OVCH1: variants seen among roughly 807,000 people sequenced by gnomAD.
OVCH1 encodes ovochymase-1.
OVCH1 carries 139 observed loss-of-function variants against 138.4 expected under a neutral mutation model. The observed-to-expected ratio is 1.00, with a 90% CI of 0.87 to 1.16. OVCH1 has a LOEUF of 1.16. Ranked by LOEUF, OVCH1 falls within the 50% of genes most tolerant of loss-of-function variation. The pLI is 0.00. For missense variants in OVCH1, 1,367 were observed against 1,357.9 expected (o/e 1.01, Z -0.11); for synonymous variants, 453 against 467.8 (o/e 0.97, Z 0.41).
intron 19 of OVCH1, among the ~76,000 whole-genome samples, chr12:29,457,691 C>T (rs1942000388): frequency 6.6e-6 from 1 of 152,072 alleles, no homozygotes; most frequent in South Asian, 2.1e-4. Context: ...GTGTGAGCCA[C>T]TGCACCTGGC....
Position 29,495,278 on chromosome 12 carries a change from T to C in OVCH1, c.454+7A>G, listed in dbSNP as rs1215800761. The C allele has an allele frequency of 1.9e-6, 3 of 1,606,736 alleles. No individual in the cohort carries two copies. Among genetic ancestry groups the C allele is most frequent in the South Asian group, 2.2e-5 (2 of 89,646 alleles). ...GCATTTTTAATATTCTAACTCTCCA[T>C]ACTCACCAAACTTGACTTTGTGTTT... On this transcript the variant is annotated splice_region_variant and intron_variant, in intron 4 of 27. Coordinates refer to ENST00000318184, the Ensembl canonical transcript of OVCH1.
At chr12:29,473,888 G>A (rs1261493698) in intron 14 of OVCH1, among the ~76,000 whole-genome samples, 1 of 152,060 alleles carries the variant, frequency 6.6e-6, no homozygotes, top group Non-Finnish European at 1.5e-5. Flanking sequence ...CATGTAAACA[G>A]AGATGGGCCT....
chr12:29,405,476 G>T, the OVCH1 span, among the ~76,000 whole-genome samples: 1 of 152,084 alleles, frequency 6.6e-6, no homozygotes, highest in African/African-American at 2.4e-5. Context: ...AGCACAAAAA[G>T]AATAAAAATA....
downstream of OVCH1, among the ~76,000 whole-genome samples, chr12:29,411,462 G>A (rs1288783455): frequency 6.6e-6 from 1 of 151,850 alleles, no homozygotes; most frequent in Non-Finnish European, 1.5e-5. Flanking sequence ...TGATGATGGG[G>A]ATGTACAGAT....
At chr12:29,452,016 C>A (rs1052522835) in intron 21 of OVCH1, among the ~76,000 whole-genome samples, 1 of 152,136 alleles carries the variant, frequency 6.6e-6, no homozygotes, top group African/African-American at 2.4e-5. Flanking sequence ...AGATGTCTCA[C>A]TTCTTCAGCT....
chr12:29,437,079 T>C (rs1264953523), intron 26 of OVCH1, among the ~76,000 whole-genome samples: 3 of 152,156 alleles, frequency 2.0e-5, no homozygotes, highest in Non-Finnish European at 4.4e-5. Flanking sequence ...TACAGAGCGC[T>C]GATTGGTGCA....
chr12:29,447,676 T>C (rs1941656387), intron 22 of OVCH1, among the ~76,000 whole-genome samples: 1 of 151,722 alleles, frequency 6.6e-6, no homozygotes, highest in African/African-American at 2.4e-5. Context: ...AGACAATGAC[T>C]GTGGGAAGGA....
chr12:29,465,593 C>T lies in OVCH1; in HGVS notation c.1857-374G>A, dbSNP rs78812438. Among the ~76,000 whole-genome samples the T allele has an allele frequency of 9.8e-4, 149 of 152,178 alleles. No homozygotes were observed. The East Asian group carries it at 0.023, about 24-fold the overall frequency. On this transcript the variant is annotated intron_variant, in intron 16 of 27. Coordinates refer to ENST00000318184, the Ensembl canonical transcript of OVCH1. Reference sequence around the variant, plus strand: ...TACTAACATGCACTGCTCAGTTCAGCGAGGCAACAGTCCCCTGTCCCATTG... The same window carrying T: ...TACTAACATGCACTGCTCAGTTCAGTGAGGCAACAGTCCCCTGTCCCATTG...
In OVCH1 at chr12:29,492,869, G is replaced by A. The variant is rs111715976; in HGVS notation, c.455-1677C>T. 9.2e-5 allele frequency among the ~76,000 whole-genome samples: 14 copies of A among 152,238 alleles called. 1 individual carries two copies. Among genetic ancestry groups the A allele is most frequent in the African/African-American group, 3.4e-4 (14 of 41,546 alleles). ...GAAGACTAAGAAAGGGTACAATAGG[G>A]TAGGAGAATAACTAATGGATTCCCG... On this transcript the variant is annotated intron_variant, in intron 4 of 27. Transcript: ENST00000318184.
chr12:29,496,458 G>T, intron 2 of OVCH1, 98 bp downstream of exon 2: 4 of 1,218,946 alleles, frequency 3.3e-6, no homozygotes, highest in East Asian at 2.4e-5. Flanking sequence ...GAGGGGTTCA[G>T]GAGAAAAACT....
chr12:29,471,859 C>T, exon 16 of OVCH1: 1 of 1,613,152 alleles, frequency 6.2e-7, no homozygotes, highest in Non-Finnish European at 8.5e-7. Flanking sequence ...GGCACCTCCA[C>T]ATTGGTAATC....
At chr12:29,420,900 G>C (rs11838057) in intron 3 of OVCH1, among the ~76,000 whole-genome samples, 32,861 of 152,164 alleles carry the variant, frequency 0.22, 4,688 homozygotes, top group African/African-American at 0.41. Context: ...TATGTTCATT[G>C]ATTTGCAAGG....
At chr12:29,470,153 A>T (rs1315950988) in intron 16 of OVCH1, among the ~76,000 whole-genome samples, 1 of 152,224 alleles carries the variant, frequency 6.6e-6, no homozygotes, top group Non-Finnish European at 1.5e-5. Flanking sequence ...CATATATGTT[A>T]AAATCCCCCA....
chr12:29,476,332 T>A (rs948468601), intron 12 of OVCH1, 33 bp from the exon 13 acceptor site: 13 of 1,536,148 alleles, frequency 8.5e-6, no homozygotes, highest in African/African-American at 1.4e-5. Flanking sequence ...AGGGAAATGG[T>A]CAAAGAAGAG....
the OVCH1 span, among the ~76,000 whole-genome samples, chr12:29,405,751 G>A: frequency 2.0e-5 from 3 of 152,190 alleles, no homozygotes; most frequent in Admixed American, 2.0e-4. Context: ...ATCAGTTTTT[G>A]ATGATGCAAT....
intron 23 of OVCH1, 143 bp downstream of exon 23, chr12:29,445,135 G>A: frequency 2.2e-6 from 2 of 927,978 alleles, no homozygotes; most frequent in Non-Finnish European, 3.0e-6. Context: ...GGTGACTTAA[G>A]TAGATTTTCC....
intron 12 of OVCH1, 149 bp from the exon 13 acceptor site, chr12:29,476,448 C>T (rs1942718533): frequency 1.5e-6 from 1 of 677,460 alleles, no homozygotes; most frequent in African/African-American, 1.8e-5. Flanking sequence ...CTTTGAAGGG[C>T]AATTTGGCAA....
chr12:29,475,980 C>A (rs1027186148), intron 13 of OVCH1, among the ~76,000 whole-genome samples: 4 of 152,308 alleles, frequency 2.6e-5, no homozygotes, highest in Non-Finnish European at 4.4e-5. Context: ...ACCTTACATG[C>A]AGTCTGAAAC....
intron 23 of OVCH1, 150 bp downstream of exon 23, chr12:29,445,128 G>T: frequency 1.2e-6 from 1 of 841,786 alleles, no homozygotes; most frequent in Non-Finnish European, 1.7e-6. Flanking sequence ...AATCTTAGGT[G>T]ACTTAAGTAG....
Sources: gnomAD v4.1 joint callset for allele counts (sites outside exome capture counted in the v4.1 genomes callset) on GRCh38, gnomAD v4.1.1 for gene constraint, MANE v1.5 for transcripts, NCBI Gene and HGNC (gene_info 2026-07-23, HGNC 2026-07-21) for gene names.